The following TG variants were observed in gnomAD, a reference collection of about 807,000 sequenced individuals.
TG encodes thyroglobulin, also known as thyroid hormones.
TG carries 270 observed loss-of-function variants against 324.7 expected under a neutral mutation model. The observed-to-expected ratio is 0.83, with a 90% CI of 0.75 to 0.92. The LOEUF (loss-of-function observed/expected upper bound fraction) is 0.92. TG is among the 40% of genes least tolerant of loss of function. The probability of loss-of-function intolerance (pLI) is 0.00; values close to 1 mark genes in which losing one functional copy is unlikely to be tolerated. For missense variants in TG, 3,591 were observed against 3,456.4 expected, an observed-to-expected ratio of 1.04 and a Z score of -0.98; for synonymous variants, 1,401 against 1,327.0, an observed-to-expected ratio of 1.06 and a Z score of -1.21.
At chr8:133,016,722 T>C (rs1033496480) in intron 37 of TG, among the ~76,000 whole-genome samples, 6 of 152,204 alleles carry the variant, frequency 3.9e-5, no homozygotes, top group Non-Finnish European at 8.8e-5. Flanking sequence ...CCGCTTCCTT[T>C]GTGCAGGGCT....
intron 39 of TG, among the ~76,000 whole-genome samples, chr8:133,020,847 C>A (rs1468411014): frequency 1.3e-5 from 2 of 152,190 alleles, no homozygotes; most frequent in African/African-American, 4.8e-5. Flanking sequence ...TAGCACAGCA[C>A]TTACGGGGGC....
chr8:132,999,817 C>T (rs1280810657), intron 35 of TG, among the ~76,000 whole-genome samples: 2 of 152,196 alleles, frequency 1.3e-5, no homozygotes, highest in Admixed American at 1.3e-4. Flanking sequence ...CAGAAGGTCA[C>T]TGATCCTTGT....
At chr8:132,955,820 A>G (rs1007232360) in intron 27 of TG, among the ~76,000 whole-genome samples, 3 of 152,222 alleles carry the variant, frequency 2.0e-5, no homozygotes, top group Admixed American at 1.3e-4. Flanking sequence ...ACTGCCGCAG[A>G]TGCAGCGCAT....
chr8:133,129,555 G>A (rs4316133), intron 45 of TG, among the ~76,000 whole-genome samples: 22,981 of 152,090 alleles, frequency 0.15, 2,344 homozygotes, highest in Non-Finnish European at 0.22. Flanking sequence ...GAGTGCAGTG[G>A]TACAATCGTG....
intron 35 of TG, among the ~76,000 whole-genome samples, chr8:132,993,402 G>T (rs1382722946): frequency 1.3e-5 from 2 of 152,148 alleles, no homozygotes; most frequent in South Asian, 2.1e-4. Flanking sequence ...GAATCTTTCT[G>T]CATTTCAATT....
At chr8:133,086,841 G>A (rs1846643120) in intron 41 of TG, among the ~76,000 whole-genome samples, 1 of 152,140 alleles carries the variant, frequency 6.6e-6, no homozygotes, top group South Asian at 2.1e-4. Flanking sequence ...GCAAATCAGA[G>A]CTGGGATTTG....
intron 5 of TG, among the ~76,000 whole-genome samples, chr8:132,874,318 C>T (rs940270854): frequency 6.6e-6 from 1 of 152,178 alleles, no homozygotes; most frequent in Non-Finnish European, 1.5e-5. Flanking sequence ...TTACAAATAA[C>T]TTTAAAAATG....
chr8:132,921,111 G>A (rs762582359), intron 21 of TG, among the ~76,000 whole-genome samples: 9 of 152,126 alleles, frequency 5.9e-5, no homozygotes, highest in East Asian at 3.9e-4. Flanking sequence ...TAACAACATC[G>A]TGGGGGCTGC....
chr8:133,085,037 G>A (rs1846308960), intron 41 of TG, among the ~76,000 whole-genome samples: 1 of 152,198 alleles, frequency 6.6e-6, no homozygotes, highest in Non-Finnish European at 1.5e-5. Context: ...TGCTTAGTGA[G>A]CACAAACTGA....
intron 40 of TG, among the ~76,000 whole-genome samples, chr8:133,023,277 C>T (rs527280578): frequency 1.3e-5 from 2 of 152,138 alleles, no homozygotes; most frequent in African/African-American, 4.8e-5. Flanking sequence ...AACCAGATGT[C>T]TATGTAGATG....
At chr8:132,988,824 T>A in intron 35 of TG, 1 of 985,446 alleles carries the variant, frequency 1.0e-6, no homozygotes, top group Non-Finnish European at 1.2e-6. Context: ...ATGTGGGATC[T>A]CCTAAGGGTT....
intron 41 of TG, chr8:133,074,886 G>A: frequency 1.0e-6 from 1 of 985,544 alleles, no homozygotes; most frequent in Admixed American, 6.1e-5. Flanking sequence ...TGTGGGAGCT[G>A]TCTGCAGAGG....
chr8:132,969,318 T>G (rs1174931451), intron 31 of TG, 140 bp from the exon 32 acceptor site: 1 of 672,280 alleles, frequency 1.5e-6, no homozygotes, highest in Non-Finnish European at 2.6e-6. Context: ...GAGATTTGAG[T>G]TAGGAAATGA....
intron 43 of TG, among the ~76,000 whole-genome samples, chr8:133,110,969 A>G (rs887546828): frequency 2.0e-5 from 3 of 152,230 alleles, no homozygotes; most frequent in Admixed American, 1.3e-4. Context: ...AACAGGGCCC[A>G]TATGAATACA....
At chr8:133,091,782 G>C (rs373675308) in intron 41 of TG, among the ~76,000 whole-genome samples, 1 of 152,230 alleles carries the variant, frequency 6.6e-6, no homozygotes, top group African/African-American at 2.4e-5. Flanking sequence ...GTGACTGTGT[G>C]TGTTTCTAAG....
intron 40 of TG, among the ~76,000 whole-genome samples, chr8:133,026,001 G>A (rs1030520241): frequency 6.6e-6 from 1 of 152,156 alleles, no homozygotes; most frequent in Non-Finnish European, 1.5e-5. Context: ...AAGTGTGTGA[G>A]GACAAGCACC....
intron 40 of TG, among the ~76,000 whole-genome samples, chr8:133,026,858 A>T (rs1404634193): frequency 2.0e-5 from 3 of 152,250 alleles, no homozygotes; most frequent in African/African-American, 7.2e-5. Context: ...ACATAACGTT[A>T]GAACCTACAC....
chr8:133,114,222 T>C (rs1464234777), intron 44 of TG, among the ~76,000 whole-genome samples: 1 of 152,114 alleles, frequency 6.6e-6, no homozygotes, highest in Non-Finnish European at 1.5e-5. Flanking sequence ...CCCTGCGCCC[T>C]CTCTCTGGGG....
chr8:132,887,105 T>C lies in TG; in HGVS notation c.1733T>C (p.Leu578Pro). 6.2e-7 allele frequency: 1 copy of C among 1,614,234 alleles called. No homozygotes were observed. The highest frequency in any genetic ancestry group is 1.3e-5 in the African/African-American group (1 of 75,066). ...TCTCTCCTGGAGCTTCCAGAATTCC[T>C]TCTCTTCTTGCAACATGCTATCTCT... is the stretch of plus-strand genomic sequence containing the variant. Reference protein sequence around the residue: ...LASLLELPEFLLFLQHAISVP... With the variant: ...LASLLELPEFPLFLQHAISVP... Residue 578 changes from leucine to proline, a missense_variant, in exon 9 of 48, where the codon CTT becomes CCT. Physicochemically the swap from Leu to Pro is moderately conservative, Grantham distance 98. Coordinates refer to ENST00000220616, the MANE Select transcript of TG (RefSeq NM_003235.5).
Sources: allele counts gnomAD v4.1 joint callset (sites outside exome capture counted in the v4.1 genomes callset), GRCh38; gene constraint gnomAD v4.1.1; transcripts MANE v1.5; gene names NCBI Gene and HGNC (gene_info 2026-07-23, HGNC 2026-07-21).